Variants in INPP4B observed in about 807,000 individuals in gnomAD.
The protein encoded by INPP4B is inositol polyphosphate 4-phosphatase type II.
A neutral mutation model predicts 122.5 loss-of-function variants in INPP4B; 55 were observed. The ratio of observed to expected loss-of-function variants is 0.45; its 90% CI spans 0.36 to 0.56. The LOEUF (loss-of-function observed/expected upper bound fraction) is 0.56. Ranked by LOEUF, INPP4B falls within the 20% of genes least tolerant of loss-of-function variation. INPP4B has a pLI of 0.00. For missense variants in INPP4B, 1,000 were observed against 1,097.7 expected (o/e 0.91, Z 1.26); for synonymous variants, 403 against 388.7 (o/e 1.04, Z -0.43).
intron 2 of INPP4B, among the ~76,000 whole-genome samples, chr4:142,540,848 T>G (rs1293511641): frequency 6.6e-6 from 1 of 152,184 alleles, no homozygotes; most frequent in African/African-American, 2.4e-5. Flanking sequence ...GGTTAAATAG[T>G]TAAAGATCAA....
At chr4:142,254,673 G>A (rs1271105280) in intron 11 of INPP4B, among the ~76,000 whole-genome samples, 8 of 152,044 alleles carry the variant, frequency 5.3e-5, no homozygotes, top group African/African-American at 1.9e-4. Flanking sequence ...AAAAAGAAAT[G>A]AACAAAGCCT....
At chr4:142,282,334 T>A (rs1171340583) in intron 9 of INPP4B, among the ~76,000 whole-genome samples, 2 of 152,128 alleles carry the variant, frequency 1.3e-5, no homozygotes, top group Admixed American at 6.5e-5. Flanking sequence ...TGGCTAAAGC[T>A]AGATAGGTGG....
At chr4:142,712,685 A>G (rs920942417) in intron 2 of INPP4B, among the ~76,000 whole-genome samples, 21 of 152,340 alleles carry the variant, frequency 1.4e-4, no homozygotes, top group Admixed American at 1.4e-3. Context: ...TTTTAAAGAC[A>G]TATTTGTTAC....
At chr4:142,607,576 C>T (rs1047342757) in intron 2 of INPP4B, among the ~76,000 whole-genome samples, 3 of 151,792 alleles carry the variant, frequency 2.0e-5, no homozygotes, top group Non-Finnish European at 2.9e-5. Context: ...TCCAGCTGAT[C>T]CAAAATAAAA....
chr4:142,158,473 G>A (rs1024371881), intron 17 of INPP4B, among the ~76,000 whole-genome samples: 1 of 152,060 alleles, frequency 6.6e-6, no homozygotes, highest in Non-Finnish European at 1.5e-5. Context: ...AGGGAATAGT[G>A]CTCTGTAAAC....
At chr4:142,164,588 C>CAT (rs1821765071) in intron 16 of INPP4B, among the ~76,000 whole-genome samples, 4 of 151,674 alleles carry the variant, frequency 2.6e-5, no homozygotes, top group Admixed American at 2.6e-4. Flanking sequence ...TTGGGCAGCT[C>CAT]ATATATATTA....
At chr4:142,579,807 C>T (rs1257130882) in intron 2 of INPP4B, among the ~76,000 whole-genome samples, 1 of 150,500 alleles carries the variant, frequency 6.6e-6, no homozygotes, top group African/African-American at 2.4e-5. Context: ...TGCCAGACTC[C>T]AAATCACATG....
chr4:142,326,286 C>T (rs1772337786), intron 7 of INPP4B, among the ~76,000 whole-genome samples: 1 of 152,192 alleles, frequency 6.6e-6, no homozygotes, highest in South Asian at 2.1e-4. Context: ...CAACAGTTTT[C>T]CTTTAAGTGG....
At chr4:142,283,530 A>C (rs1752161819) in intron 9 of INPP4B, among the ~76,000 whole-genome samples, 1 of 152,126 alleles carries the variant, frequency 6.6e-6, no homozygotes, top group Non-Finnish European at 1.5e-5. Flanking sequence ...AACCTAGATG[A>C]TATAGTCTGC....
chr4:142,268,221 G>C (rs916465100), intron 10 of INPP4B, among the ~76,000 whole-genome samples: 122 of 149,452 alleles, frequency 8.2e-4, no homozygotes, highest in African/African-American at 2.8e-3. Context: ...TACTCGGGAG[G>C]CTGGGGCAGG....
intron 25 of INPP4B, among the ~76,000 whole-genome samples, chr4:142,065,038 G>T (rs769642391): frequency 5.9e-5 from 9 of 152,128 alleles, no homozygotes; most frequent in Non-Finnish European, 7.4e-5. Flanking sequence ...TTTAGGAAGA[G>T]TCTTGAGTAT....
At chr4:142,429,290 T>TGC (rs1808784460) in intron 4 of INPP4B, 73 bp from the exon 5 acceptor site, 1 of 756,512 alleles carries the variant, frequency 1.3e-6, no homozygotes, top group African/African-American at 1.8e-5. Context: ...TATATTACTA[T>TGC]GCTTCATTGT....
chr4:142,777,025 T>C (rs1235272497), intron 1 of INPP4B, among the ~76,000 whole-genome samples: 1 of 151,514 alleles, frequency 6.6e-6, no homozygotes, highest in East Asian at 1.9e-4. Flanking sequence ...GGGGAGTGAG[T>C]TTCCCTGCTG....
At chr4:142,142,305 G>A (rs1298158333) in intron 18 of INPP4B, among the ~76,000 whole-genome samples, 5 of 152,028 alleles carry the variant, frequency 3.3e-5, no homozygotes, top group Admixed American at 6.6e-5. Flanking sequence ...ATTACAATAT[G>A]ATATTTTCAC....
At chr4:142,227,863 A>G (rs1579356975) in intron 12 of INPP4B, among the ~76,000 whole-genome samples, 1 of 149,656 alleles carries the variant, frequency 6.7e-6, no homozygotes, top group Non-Finnish European at 1.5e-5. Context: ...ATCTAAAAAA[A>G]AAAAAAAAAA....
At chr4:142,758,000 A>T (rs1654089286) in intron 1 of INPP4B, among the ~76,000 whole-genome samples, 1 of 152,198 alleles carries the variant, frequency 6.6e-6, no homozygotes, top group Non-Finnish European at 1.5e-5. Flanking sequence ...TTTAAACTCC[A>T]TAGGCAACAG....
At chr4:142,394,052 C>T (rs1798556215) in intron 7 of INPP4B, among the ~76,000 whole-genome samples, 1 of 152,198 alleles carries the variant, frequency 6.6e-6, no homozygotes, top group Admixed American at 6.5e-5. Flanking sequence ...TTTTGAGAAA[C>T]CGCCATAGTG....
intron 1 of INPP4B, among the ~76,000 whole-genome samples, chr4:142,788,924 T>A (rs1268224149): frequency 6.6e-6 from 1 of 152,092 alleles, no homozygotes; most frequent in African/African-American, 2.4e-5. Context: ...TAGGGATGAT[T>A]TAACATACGC....
intron 10 of INPP4B, among the ~76,000 whole-genome samples, chr4:142,264,430 T>C (rs1579516002): frequency 6.6e-6 from 1 of 152,236 alleles, no homozygotes; most frequent in African/African-American, 2.4e-5. Context: ...ATTCATCTAC[T>C]ATGCTAGTTT....
Sources: gnomAD v4.1 joint callset for allele counts (sites outside exome capture counted in the v4.1 genomes callset) on GRCh38, gnomAD v4.1.1 for gene constraint, MANE v1.5 for transcripts, NCBI Gene and HGNC (gene_info 2026-07-23, HGNC 2026-07-21) for gene names.